Variants in SCIMP observed in about 807,000 individuals in gnomAD.
The protein encoded by SCIMP is SLP adaptor and CSK interacting membrane protein.
In SCIMP, 18 loss-of-function variants were observed where a neutral mutation model predicts 22.0. That is an observed-to-expected ratio of 0.82 (90% CI 0.56 to 1.21). SCIMP has a LOEUF of 1.21. SCIMP is among the 50% of genes most tolerant of loss of function. The pLI is 0.00. For synonymous variants in SCIMP, 53 were observed against 62.2 expected, an observed-to-expected ratio of 0.85 and a Z score of 0.70; for missense variants, 155 against 171.2, an observed-to-expected ratio of 0.91 and a Z score of 0.53.
At chr17:5,229,062 G>T (rs1244742321) in intron 1 of SCIMP, among the ~76,000 whole-genome samples, 2 of 152,210 alleles carry the variant, frequency 1.3e-5, no homozygotes, top group Non-Finnish European at 1.5e-5. Flanking sequence ...GGCTACTGGG[G>T]CCAAGAGGCT....
chr17:5,219,641 TAAAG>T (rs1219033700), intron 3 of SCIMP, among the ~76,000 whole-genome samples: 1 of 151,970 alleles, frequency 6.6e-6, no homozygotes, highest in Non-Finnish European at 1.5e-5. Context: ...AATAAATAAA[TAAAG>T]AGTGTCTTTG....
intron 1 of SCIMP, among the ~76,000 whole-genome samples, chr17:5,226,671 A>G (rs1205242720): frequency 1.3e-5 from 2 of 150,762 alleles, no homozygotes; most frequent in Non-Finnish European, 2.9e-5. Flanking sequence ...ATGCCCGGCT[A>G]ATTTTTTTTG....
chr17:5,228,104 G>A (rs1014704996), intron 1 of SCIMP, among the ~76,000 whole-genome samples: 5 of 151,944 alleles, frequency 3.3e-5, no homozygotes, highest in Non-Finnish European at 7.4e-5. Flanking sequence ...ACTGGGAGGC[G>A]GAGGTTGTGG....
chr17:5,234,127 C>G (rs1053978329), intron 1 of SCIMP, among the ~76,000 whole-genome samples: 1 of 151,978 alleles, frequency 6.6e-6, no homozygotes, highest in Admixed American at 6.6e-5. Context: ...AGAAATTAGC[C>G]AGGTGTGGTG....
intron 3 of SCIMP, among the ~76,000 whole-genome samples, chr17:5,216,529 G>T (rs546349773): frequency 6.6e-6 from 1 of 152,184 alleles, no homozygotes; most frequent in South Asian, 2.1e-4. Context: ...AGCCAGGTGT[G>T]GTGGCGCATG....
intron 1 of SCIMP, among the ~76,000 whole-genome samples, chr17:5,228,345 C>CA (rs11444866): frequency 0.82 from 113,963 of 139,286 alleles, 46,339 homozygotes; most frequent in Admixed American, 0.87. Context: ...AATCTTGTCT[C>CA]AAAAAAAAAA....
At chr17:5,228,165 CCTT>C (rs1365841878) in intron 1 of SCIMP, among the ~76,000 whole-genome samples, 1 of 150,384 alleles carries the variant, frequency 6.6e-6, no homozygotes, top group Non-Finnish European at 1.5e-5. Context: ...GAGCTAGACT[CCTT>C]CTCCAAACAA....
In SCIMP at chr17:5,215,002, G is replaced by GAGAGAGAGAA; in HGVS notation, c.210-14_210-5dup. ...TGGCGACTCATTAAGAACATTCCTA[G>GAGAGAGAGAA]AGAGAGAGAAAGAGAGAGAATCAGT... On this transcript the variant is annotated splice_region_variant and splice_polypyrimidine_tract_variant and intron_variant, in intron 3 of 4. Coordinates refer to ENST00000574081, the MANE Select transcript of SCIMP (RefSeq NM_207103.3). The GAGAGAGAGAA allele has an allele frequency of 6.3e-7, 1 of 1,594,040 alleles. No homozygotes were observed. Among genetic ancestry groups the GAGAGAGAGAA allele is most frequent in the Non-Finnish European group, 8.6e-7 (1 of 1,162,014 alleles).
At chr17:5,231,272 A>C (rs2074691964) in intron 1 of SCIMP, among the ~76,000 whole-genome samples, 2 of 151,782 alleles carry the variant, frequency 1.3e-5, no homozygotes, top group African/African-American at 4.8e-5. Context: ...AGGGAGAATC[A>C]TTTGAACCCA....
rs2074730793 is a variant in SCIMP, at chr17:5,234,727, A to T, written c.21+8T>A. On this transcript the variant is annotated splice_region_variant and intron_variant, in intron 1 of 4. Coordinates refer to ENST00000574081, the MANE Select transcript of SCIMP (RefSeq NM_207103.3). ...GGAAACTGTCCCTTGGAAAGCTGAG[A>T]TGCTTACCTGAACTGTGAAAGTATC... The T allele has an allele frequency of 6.2e-7, 1 of 1,612,028 alleles. No homozygotes were observed.
chr17:5,218,496 T>C (rs577780588), intron 3 of SCIMP, among the ~76,000 whole-genome samples: 2 of 152,232 alleles, frequency 1.3e-5, no homozygotes, highest in East Asian at 3.9e-4. Flanking sequence ...CACACCACCA[T>C]GCCCAGCTAA....
intron 3 of SCIMP, 103 bp downstream of exon 3, chr17:5,221,184 A>G (rs772071328): frequency 1.3e-5 from 11 of 860,058 alleles, no homozygotes; most frequent in Non-Finnish European, 2.2e-5. Flanking sequence ...TCTACAGGAA[A>G]TGCGGATGTC....
At position 5,209,595 on chromosome 17, in the gene SCIMP, T is replaced by C. The variant is rs548935406; in HGVS notation, c.*1206A>G. The C allele has an allele frequency of 6.6e-6, 1 of 152,330 alleles. No individual in the cohort carries two copies. Among genetic ancestry groups the C allele is most frequent in the Non-Finnish European group, 1.5e-5 (1 of 68,034 alleles). 9.4% of individuals were successfully genotyped at this position (152,330 alleles called of 1,614,324 possible). On this transcript the variant is annotated 3_prime_UTR_variant, in exon 5 of 5. Coordinates refer to ENST00000574081, the MANE Select transcript of SCIMP (RefSeq NM_207103.3). ...TCACAGTGCTCTCTCTGCAAGGCTG[T>C]TCATTTGCCAGATTTCCCAGAGGTC...
In SCIMP at chr17:5,225,635, G is replaced by A. The variant is rs185095863; in HGVS notation, c.22-2179C>T. On this transcript the variant is annotated intron_variant, in intron 1 of 4. Transcript: ENST00000574081. ...AAATTAGCTGGGCATGGTGGTGCAC[G>A]CCTGTAATCCCAGCTACTTGAGAGA... 3.3e-5 allele frequency among the ~76,000 whole-genome samples: 5 copies of A among 152,188 alleles called. No individual in the cohort carries two copies. In the East Asian group the frequency reaches 9.6e-4, roughly 29 times the overall value.
rs141254237 is a variant in SCIMP, at chr17:5,220,919, A to G, written c.209+368T>C. The G allele has an allele frequency of 2.4e-3, 842 of 355,176 alleles. 11 individuals carry two copies. Among genetic ancestry groups the G allele is most frequent in the African/African-American group, 0.017 (797 of 46,392 alleles). 22.0% of individuals were successfully genotyped at this position (355,176 alleles called of 1,614,324 possible). ...CTAAAAATACAAAAATTAGGCAGGC[A>G]TGATGGTGGGTGCCTGTAATCCCAG... On this transcript the variant is annotated intron_variant, in intron 3 of 4. Coordinates refer to ENST00000574081, the MANE Select transcript of SCIMP (RefSeq NM_207103.3).
At chr17:5,227,328 T>TA (rs1205458902) in intron 1 of SCIMP, among the ~76,000 whole-genome samples, 7 of 91,888 alleles carry the variant, frequency 7.6e-5, no homozygotes, top group African/African-American at 3.1e-4. Flanking sequence ...CACACACTCT[T>TA]ACACTTAGCC....
chr17:5,234,405 A>G (rs2074728164), intron 1 of SCIMP, among the ~76,000 whole-genome samples: 2 of 151,810 alleles, frequency 1.3e-5, no homozygotes, highest in Middle Eastern at 3.4e-3. Context: ...AGTGAGAGTA[A>G]CTCGTTACAG....
chr17:5,214,242 A>G (rs2074547336), intron 4 of SCIMP: 1 of 152,300 alleles, frequency 6.6e-6, no homozygotes, highest in East Asian at 1.9e-4. Flanking sequence ...TTTTTGTTAC[A>G]GCAGCCTGAG....
In SCIMP at chr17:5,221,306, C is replaced by T; in HGVS notation, c.190G>A (p.Asp64Asn). ...ACTTACTCATACATCTTTTCTTCAT[C>T]TACTTGCTTGTGTTTCAGGGGCTTG... ...IAKPLKHKQV[D>N]EEKMYENVLN... Residue 64 changes from aspartate (D) to asparagine (N), a missense_variant, in exon 3 of 5, where the codon GAT becomes AAT. By Grantham distance (23) the Asp-to-Asn change is conservative. Coordinates refer to ENST00000574081, the MANE Select transcript of SCIMP (RefSeq NM_207103.3). 6.2e-7 allele frequency: 1 copy of T among 1,613,492 alleles called. No individual in the cohort carries two copies. The highest frequency in any genetic ancestry group is 8.5e-7 in the Non-Finnish European group (1 of 1,179,418).
Sources: allele counts gnomAD v4.1 joint callset (sites outside exome capture counted in the v4.1 genomes callset), GRCh38; gene constraint gnomAD v4.1.1; transcripts MANE v1.5; gene names NCBI Gene and HGNC (gene_info 2026-07-23, HGNC 2026-07-21).